The following MSRB3 variants were observed in gnomAD, a reference collection of about 807,000 sequenced individuals.
MSRB3 encodes methionine sulfoxide reductase B3.
MSRB3 carries 13 observed loss-of-function variants against 21.0 expected under a neutral mutation model. That is an observed-to-expected ratio of 0.62 (90% CI 0.40 to 0.98). The LOEUF (loss-of-function observed/expected upper bound fraction) is 0.98, where lower values mean the gene tolerates loss of function less well. Ranked by LOEUF, MSRB3 falls within the 50% of genes least tolerant of loss-of-function variation. The pLI, the probability that MSRB3 is intolerant of heterozygous loss-of-function variation, is 0.00. For synonymous variants in MSRB3, 87 were observed against 88.6 expected (o/e 0.98, Z 0.10); for missense variants, 199 against 230.3 (o/e 0.86, Z 0.88).
At chr12:65,364,936 A>AT (rs1462273783) in intron 4 of MSRB3, among the ~76,000 whole-genome samples, 2 of 152,092 alleles carry the variant, frequency 1.3e-5, no homozygotes, top group Non-Finnish European at 2.9e-5. Flanking sequence ...AATTCTGCAG[A>AT]TTTTTTTAAA....
chr12:65,385,639 G>C (rs1386055033), intron 5 of MSRB3, among the ~76,000 whole-genome samples: 2 of 151,582 alleles, frequency 1.3e-5, no homozygotes, highest in African/African-American at 4.8e-5. Flanking sequence ...AATTCTTTTG[G>C]GACAGAGGCC....
intron 5 of MSRB3, among the ~76,000 whole-genome samples, chr12:65,412,392 T>C (rs775442203): frequency 6.6e-6 from 1 of 152,216 alleles, no homozygotes; most frequent in Non-Finnish European, 1.5e-5. Flanking sequence ...CACATGCCTG[T>C]TGTGGACTTT....
chr12:65,312,089 C>T (rs1035697451), intron 2 of MSRB3, among the ~76,000 whole-genome samples: 1 of 152,010 alleles, frequency 6.6e-6, no homozygotes, highest in African/African-American at 2.4e-5. Context: ...CTAACCAAAG[C>T]TCTGTCCTTA....
chr12:65,410,762 G>A (rs1169977615), intron 5 of MSRB3, among the ~76,000 whole-genome samples: 2 of 152,178 alleles, frequency 1.3e-5, no homozygotes, highest in Non-Finnish European at 1.5e-5. Flanking sequence ...TGGGGTTGTT[G>A]AGAGAGATTA....
At chr12:65,442,303 A>G (rs953696594) in intron 5 of MSRB3, among the ~76,000 whole-genome samples, 16 of 151,996 alleles carry the variant, frequency 1.1e-4, no homozygotes, top group African/African-American at 3.1e-4. Context: ...AGGTACATAT[A>G]TTTATGAGAG....
At chr12:65,439,626 T>C (rs959159642) in intron 5 of MSRB3, among the ~76,000 whole-genome samples, 8 of 151,634 alleles carry the variant, frequency 5.3e-5, no homozygotes, top group Admixed American at 4.6e-4. Flanking sequence ...TCTAACTCTA[T>C]GGGGTACAAT....
Position 65,278,734 on chromosome 12 carries a change from G to A in MSRB3, c.-183G>A. 6.4e-7 allele frequency: 1 copy of A among 1,558,966 alleles called. No individual in the cohort carries two copies. Among genetic ancestry groups the A allele is most frequent in the South Asian group, 1.2e-5 (1 of 85,620 alleles). Reference sequence around the variant, plus strand: ...CCGGAGCCGGGGAGGGAGGGAGCGAGGTTCGGACACCGGCGGCGGCTGCCT... The same window carrying A: ...CCGGAGCCGGGGAGGGAGGGAGCGAAGTTCGGACACCGGCGGCGGCTGCCT... On this transcript the variant is annotated 5_prime_UTR_variant, in exon 1 of 7. Coordinates refer to ENST00000308259, the MANE Select transcript of MSRB3 (RefSeq NM_001031679.3).
intron 4 of MSRB3, among the ~76,000 whole-genome samples, chr12:65,367,309 G>A (rs73119451): frequency 0.095 from 14,442 of 152,212 alleles, 890 homozygotes; most frequent in East Asian, 0.16. Flanking sequence ...GAAGGGAAGA[G>A]GAACCTGTGG....
chr12:65,400,763 C>T (rs897831043), intron 5 of MSRB3, among the ~76,000 whole-genome samples: 1 of 152,150 alleles, frequency 6.6e-6, no homozygotes, highest in Non-Finnish European at 1.5e-5. Flanking sequence ...TATAAATTTC[C>T]GTCTAAACAC....
intron 3 of MSRB3, among the ~76,000 whole-genome samples, chr12:65,328,227 T>G (rs1179050915): frequency 2.0e-5 from 3 of 152,166 alleles, no homozygotes; most frequent in Non-Finnish European, 4.4e-5. Flanking sequence ...ATGTTCTTTC[T>G]GTGAATCTAA....
At chr12:65,434,409 G>A (rs1180917650) in intron 5 of MSRB3, among the ~76,000 whole-genome samples, 2 of 151,918 alleles carry the variant, frequency 1.3e-5, no homozygotes, top group Admixed American at 1.3e-4. Flanking sequence ...TAGTTGAGAA[G>A]ATAAGTCTAA....
At chr12:65,352,064 A>C (rs1055996753) in intron 4 of MSRB3, among the ~76,000 whole-genome samples, 5 of 151,988 alleles carry the variant, frequency 3.3e-5, no homozygotes, top group Non-Finnish European at 5.9e-5. Flanking sequence ...AAAATCCTCA[A>C]TAAAATACTG....
intron 5 of MSRB3, among the ~76,000 whole-genome samples, chr12:65,445,493 AGGAT>A (rs1882571671): frequency 6.6e-6 from 1 of 150,866 alleles, no homozygotes; most frequent in Non-Finnish European, 1.5e-5. Context: ...ATGAGAAAGC[AGGAT>A]AACTGGTAAC....
At position 65,438,183 on chromosome 12, in the gene MSRB3, T is replaced by A. The variant is rs181643205; in HGVS notation, c.293-15545T>A. ...GAATTCATGTCTAGTCCCCAAAAAG[T>A]GTTTTGGAGATTTGAAAAGATCATG... On this transcript the variant is annotated intron_variant, in intron 5 of 6. Coordinates refer to ENST00000308259, the MANE Select transcript of MSRB3 (RefSeq NM_001031679.3). Among the ~76,000 whole-genome samples the A allele has an allele frequency of 2.5e-3, 376 of 152,046 alleles. 1 individual carries two copies. Among genetic ancestry groups the A allele is most frequent in the African/African-American group, 8.3e-3 (344 of 41,526 alleles).
chr12:65,379,343 G>A (rs899862119), intron 5 of MSRB3, among the ~76,000 whole-genome samples: 1 of 152,134 alleles, frequency 6.6e-6, no homozygotes, highest in African/African-American at 2.4e-5. Context: ...CCTTGGAAGC[G>A]ATTGTAGAGC....
intron 1 of MSRB3, among the ~76,000 whole-genome samples, chr12:65,301,372 C>A (rs898879836): frequency 1.3e-5 from 2 of 152,054 alleles, no homozygotes; most frequent in Non-Finnish European, 2.9e-5. Context: ...ATTCATCTAT[C>A]AAGAAATGAT....
At chr12:65,455,186 A>G (rs1883031881) in intron 6 of MSRB3, among the ~76,000 whole-genome samples, 1 of 151,424 alleles carries the variant, frequency 6.6e-6, no homozygotes, top group African/African-American at 2.4e-5. Flanking sequence ...CATATTTACT[A>G]CCAAGTAGGG....
At chr12:65,347,242 G>T (rs1475743429) in intron 4 of MSRB3, among the ~76,000 whole-genome samples, 1 of 152,082 alleles carries the variant, frequency 6.6e-6, no homozygotes, top group Non-Finnish European at 1.5e-5. Context: ...CCATTTGTTT[G>T]TATCCTCTTT....
At chr12:65,318,448 G>T (rs948761954) in intron 2 of MSRB3, among the ~76,000 whole-genome samples, 10 of 152,062 alleles carry the variant, frequency 6.6e-5, no homozygotes, top group African/African-American at 2.4e-4. Flanking sequence ...GCTATTTTTT[G>T]CAGATCTTTT....
Sources: gnomAD v4.1 joint callset for allele counts (sites outside exome capture counted in the v4.1 genomes callset) on GRCh38, gnomAD v4.1.1 for gene constraint, MANE v1.5 for transcripts, NCBI Gene and HGNC (gene_info 2026-07-23, HGNC 2026-07-21) for gene names.